Variants in THSD4 observed in about 807,000 individuals in gnomAD.
THSD4 encodes thrombospondin type-1 domain-containing protein 4.
Under a neutral mutation model 119.0 loss-of-function variants are expected in THSD4, and 69 were observed. That is an observed-to-expected ratio of 0.58 (90% CI 0.48 to 0.71). The LOEUF is 0.71. Ranked by LOEUF, THSD4 falls within the 30% of genes least tolerant of loss-of-function variation. The pLI, the probability that THSD4 is intolerant of heterozygous loss-of-function variation, is 0.00. For synonymous variants in THSD4, 524 were observed against 540.4 expected (o/e 0.97, Z 0.42); for missense variants, 1,393 against 1,391.1 (o/e 1.00, Z -0.02).
chr15:71,677,520 C>A (rs778550040), intron 8 of THSD4, among the ~76,000 whole-genome samples: 18 of 152,194 alleles, frequency 1.2e-4, no homozygotes, highest in Admixed American at 3.9e-4. Flanking sequence ...CACATGGTGT[C>A]TGACAGCGCA....
At chr15:71,131,920 C>T (rs1251306043) in intron 1 of THSD4, among the ~76,000 whole-genome samples, 1 of 152,182 alleles carries the variant, frequency 6.6e-6, no homozygotes, top group Non-Finnish European at 1.5e-5. Context: ...GAAAAAGGGT[C>T]CCCAGATGCC....
intron 7 of THSD4, among the ~76,000 whole-genome samples, chr15:71,586,065 G>A (rs1215540776): frequency 6.6e-6 from 1 of 152,062 alleles, no homozygotes; most frequent in Non-Finnish European, 1.5e-5. Flanking sequence ...AGCAGTTCAT[G>A]GACCTCCATT....
chr15:71,422,056 T>A lies in THSD4; in HGVS notation c.1152+10233T>A, dbSNP rs373290488. On this transcript the variant is annotated intron_variant, in intron 7 of 17. Transcript: ENST00000261862. ...CTGATAGATTTCTGAATTCCTTCTC[T>A]GTGTTGTCCTGAATTCTGCTGAGTT... is the stretch of plus-strand genomic sequence containing the variant. 1.7e-4 allele frequency among the ~76,000 whole-genome samples: 26 copies of A among 152,328 alleles called. No individual in the cohort carries two copies. The East Asian group carries it at 2.7e-3, about 16-fold the overall frequency.
chr15:71,454,099 A>C (rs2047304133), intron 7 of THSD4, among the ~76,000 whole-genome samples: 1 of 152,152 alleles, frequency 6.6e-6, no homozygotes, highest in Admixed American at 6.5e-5. Context: ...TCTACTAAAA[A>C]TACAAAAATT....
chr15:71,122,218 C>T lies in THSD4; in HGVS notation c.-80+6520C>T, dbSNP rs749099456. Among the ~76,000 whole-genome samples the T allele has an allele frequency of 8.5e-5, 13 of 152,236 alleles. 1 individual carries two copies. Among genetic ancestry groups the T allele is most frequent in the African/African-American group, 3.1e-4 (13 of 41,546 alleles). On this transcript the variant is annotated intron_variant, in intron 1 of 17. Transcript: ENST00000261862. Reference sequence around the variant, plus strand: ...GGGAGGAGCTGCCATTACAGAGCTCCGTGTCAGGTACTGGGATTTACCTGC... The same window carrying T: ...GGGAGGAGCTGCCATTACAGAGCTCTGTGTCAGGTACTGGGATTTACCTGC...
At chr15:71,435,680 C>G (rs950229899) in intron 7 of THSD4, among the ~76,000 whole-genome samples, 2 of 152,218 alleles carry the variant, frequency 1.3e-5, no homozygotes, top group Non-Finnish European at 2.9e-5. Context: ...TAGCAGATCT[C>G]TGTTGCCACA....
chr15:71,716,660 G>A (rs1190459344), intron 8 of THSD4, among the ~76,000 whole-genome samples: 1 of 151,576 alleles, frequency 6.6e-6, no homozygotes, highest in Admixed American at 6.6e-5. Context: ...GTGATGCCAG[G>A]CCAGCGAGTG....
intron 6 of THSD4, among the ~76,000 whole-genome samples, chr15:71,407,101 C>CT (rs1396290201): frequency 2.0e-5 from 3 of 152,166 alleles, no homozygotes; most frequent in African/African-American, 7.2e-5. Flanking sequence ...TTAAAGTCTA[C>CT]TTTGTCCAAA....
At chr15:71,282,334 C>T (rs1237739270) in intron 6 of THSD4, among the ~76,000 whole-genome samples, 1 of 152,100 alleles carries the variant, frequency 6.6e-6, no homozygotes, top group East Asian at 1.9e-4. Flanking sequence ...AAAGTGTTCT[C>T]AGAGTTCACT....
intron 7 of THSD4, among the ~76,000 whole-genome samples, chr15:71,500,819 C>T (rs2048100732): frequency 6.6e-6 from 1 of 152,172 alleles, no homozygotes; most frequent in African/African-American, 2.4e-5. Context: ...GTTCTCTCTT[C>T]TGTTGCATTG....
At chr15:71,234,671 G>A (rs28578042) in intron 4 of THSD4, among the ~76,000 whole-genome samples, 13,916 of 152,272 alleles carry the variant, frequency 0.091, 859 homozygotes, top group African/African-American at 0.17. Context: ...AGTCTGTAGT[G>A]TAAGCTCTAC....
chr15:71,727,171 T>A (rs1379431511), intron 8 of THSD4, among the ~76,000 whole-genome samples: 1 of 152,006 alleles, frequency 6.6e-6, no homozygotes, highest in Non-Finnish European at 1.5e-5. Flanking sequence ...TTCCCTCCCA[T>A]CTCTGAGCCA....
intron 7 of THSD4, among the ~76,000 whole-genome samples, chr15:71,591,005 CAAAAAAAAAAAAAAAAAA>C (rs67271025): frequency 1.4e-4 from 8 of 57,508 alleles, no homozygotes; most frequent in East Asian, 1.2e-3. Context: ...GACTCCATCT[CAAAAAAAAAAAAAAAAAA>C]AAAAAAAAAA....
chr15:71,317,054 G>C (rs1260840354), intron 6 of THSD4, among the ~76,000 whole-genome samples: 1 of 152,194 alleles, frequency 6.6e-6, no homozygotes, highest in Non-Finnish European at 1.5e-5. Flanking sequence ...CTAAGTGTTT[G>C]CTTTGTATAA....
At position 71,469,624 on chromosome 15, in the gene THSD4, A is replaced by C. The variant is rs578148846; in HGVS notation, c.1152+57801A>C. Among the ~76,000 whole-genome samples the C allele has an allele frequency of 1.6e-3, 240 of 152,296 alleles. 3 individuals carry two copies. The highest frequency in any genetic ancestry group is 4.9e-3 in the African/African-American group (205 of 41,574). On this transcript the variant is annotated intron_variant, in intron 7 of 17. Coordinates refer to ENST00000261862, the MANE Select transcript of THSD4 (RefSeq NM_024817.3). ...CACCCACATGAATACATTTAGCCGG[A>C]TATGTGTTCAACTTAGGCTCAACAC...
intron 6 of THSD4, among the ~76,000 whole-genome samples, chr15:71,399,138 G>A (rs2046489802): frequency 6.6e-6 from 1 of 152,058 alleles, no homozygotes; most frequent in South Asian, 2.1e-4. Context: ...GGTGGGGGGT[G>A]CAGTGGTAAC....
Position 71,473,056 on chromosome 15 carries a change from CTTTT to C in THSD4, c.1152+61248_1152+61251del, listed in dbSNP as rs35085059. Reference sequence around the variant, plus strand: ...TTTTTGACTGTATTACTGTATTTGGCTTTTTTTTTTTTTTTTTTGAGACAAAGTC... The same window carrying C: ...TTTTTGACTGTATTACTGTATTTGGCTTTTTTTTTTTTTTGAGACAAAGTC... On this transcript the variant is annotated intron_variant, in intron 7 of 17. Coordinates refer to ENST00000261862, the MANE Select transcript of THSD4 (RefSeq NM_024817.3). 3.0e-3 allele frequency among the ~76,000 whole-genome samples: 387 copies of C among 129,276 alleles called. 14 individuals carry two copies. In the South Asian group the frequency reaches 0.063, roughly 21 times the overall value. 84.8% of individuals were successfully genotyped at this position (129,276 alleles called of 152,430 possible).
At chr15:71,476,952 G>A (rs764892221) in intron 7 of THSD4, among the ~76,000 whole-genome samples, 3 of 152,258 alleles carry the variant, frequency 2.0e-5, no homozygotes, top group Admixed American at 1.3e-4. Context: ...ATGAGTGAAC[G>A]CGCACTGGCA....
chr15:71,104,494 G>T (rs935424140), intron 1 of THSD4, among the ~76,000 whole-genome samples: 3 of 152,120 alleles, frequency 2.0e-5, no homozygotes. Flanking sequence ...TCACAAGATT[G>T]CCCTGTTAAT....
Sources: gnomAD v4.1 joint callset for allele counts (sites outside exome capture counted in the v4.1 genomes callset) on GRCh38, gnomAD v4.1.1 for gene constraint, MANE v1.5 for transcripts, NCBI Gene and HGNC (gene_info 2026-07-23, HGNC 2026-07-21) for gene names.